ANO1: variants seen among roughly 807,000 people sequenced by gnomAD.
The protein encoded by ANO1 is anoctamin-1.
In ANO1, 59 loss-of-function variants were observed where a neutral mutation model predicts 124.0. That is an observed-to-expected ratio of 0.48 (90% CI 0.39 to 0.59). The LOEUF (loss-of-function observed/expected upper bound fraction) is 0.59. Ranked by LOEUF, ANO1 falls within the 20% of genes least tolerant of loss-of-function variation. ANO1 has a pLI of 0.00. For missense variants in ANO1, 1,059 were observed against 1,328.0 expected (o/e 0.80, Z 3.15); for synonymous variants, 529 against 532.0 (o/e 0.99, Z 0.08).
chr11:70,118,395 C>T (rs2046081482), intron 8 of ANO1, among the ~76,000 whole-genome samples: 1 of 152,244 alleles, frequency 6.6e-6, no homozygotes, highest in South Asian at 2.1e-4. Context: ...GTTTACTCTA[C>T]CTGGAATGAT....
At chr11:70,079,891 G>A (rs781380007) in intron 1 of ANO1, among the ~76,000 whole-genome samples, 46 of 152,206 alleles carry the variant, frequency 3.0e-4, no homozygotes, top group Admixed American at 5.9e-4. Flanking sequence ...GGGGTGGCCT[G>A]GGGGCATCTC....
chr11:70,168,889 C>G (rs1435849795), intron 21 of ANO1, among the ~76,000 whole-genome samples: 2 of 152,204 alleles, frequency 1.3e-5, no homozygotes, highest in Non-Finnish European at 2.9e-5. Flanking sequence ...GTGCAAGGAG[C>G]ACCTTGCCAT....
intron 16 of ANO1, among the ~76,000 whole-genome samples, chr11:70,159,609 G>C (rs758918929): frequency 6.6e-6 from 1 of 152,216 alleles, no homozygotes; most frequent in East Asian, 1.9e-4. Flanking sequence ...CTGGGGATGC[G>C]GGGGAGATGG....
At chr11:70,143,249 G>C (rs1477828366) in intron 11 of ANO1, among the ~76,000 whole-genome samples, 1 of 152,184 alleles carries the variant, frequency 6.6e-6, no homozygotes, top group Non-Finnish European at 1.5e-5. Flanking sequence ...GCGGGTTGCA[G>C]CTCGCTCAGG....
rs376154349 is a variant in ANO1 at position 70,171,080 on chromosome 11, G to A, written c.2350+41G>A. On this transcript the variant is annotated intron_variant, in intron 22 of 25. Transcript: ENST00000355303. Reference sequence around the variant, plus strand: ...GGCCGGCAGAACCGGTTCCGAGTGCGTGCTGGGTTTGGGGAGGGGGTTGCT... The same window carrying A: ...GGCCGGCAGAACCGGTTCCGAGTGCATGCTGGGTTTGGGGAGGGGGTTGCT... 3.0e-5 allele frequency: 48 copies of A among 1,594,746 alleles called. No individual in the cohort carries two copies. In the African/African-American group the frequency reaches 4.6e-4, roughly 15 times the overall value.
chr11:70,141,394 C>A (rs1356643134), intron 11 of ANO1, among the ~76,000 whole-genome samples: 1 of 152,084 alleles, frequency 6.6e-6, no homozygotes, highest in Non-Finnish European at 1.5e-5. Flanking sequence ...GCCTGCTGAC[C>A]CCGCGGGAGG....
At chr11:70,117,293 A>G (rs1444091631) in intron 8 of ANO1, among the ~76,000 whole-genome samples, 1 of 149,798 alleles carries the variant, frequency 6.7e-6, no homozygotes, top group African/African-American at 2.5e-5. Flanking sequence ...CTGGTCTTGA[A>G]CTCCTGACCT....
intron 5 of ANO1, among the ~76,000 whole-genome samples, 196 bp downstream of exon 5, chr11:70,105,984 G>A (rs1307774732): frequency 1.3e-5 from 2 of 152,162 alleles, no homozygotes; most frequent in Non-Finnish European, 2.9e-5. Context: ...GGGCAGCTGA[G>A]AGGAAGGGAA....
intron 23 of ANO1, among the ~76,000 whole-genome samples, 172 bp from the exon 24 acceptor site, chr11:70,182,330 C>T (rs949690380): frequency 6.6e-6 from 1 of 152,228 alleles, no homozygotes; most frequent in Non-Finnish European, 1.5e-5. Flanking sequence ...GGAACACCCG[C>T]GACCCTGCAT....
At chr11:70,033,611 G>A (rs555514594) in intron 1 of ANO1, among the ~76,000 whole-genome samples, 4 of 152,188 alleles carry the variant, frequency 2.6e-5, no homozygotes, top group Non-Finnish European at 5.9e-5. Context: ...GTAGGTGGTC[G>A]GCAAAGCTTT....
chr11:70,099,705 G>A (rs2515289), intron 2 of ANO1, among the ~76,000 whole-genome samples: 99,485 of 152,036 alleles, frequency 0.65, 32,874 homozygotes, highest in Admixed American at 0.74. Context: ...GTCTGTGCTT[G>A]CACAGGCAGG....
chr11:70,035,520 C>CGA (rs1857078603), intron 1 of ANO1, among the ~76,000 whole-genome samples: 1 of 147,698 alleles, frequency 6.8e-6, no homozygotes, highest in Non-Finnish European at 1.5e-5. Flanking sequence ...TAAGCTGTTG[C>CGA]TATATATATA....
chr11:69,996,140 G>A (rs4980713), intron 1 of ANO1, among the ~76,000 whole-genome samples: 88,178 of 143,314 alleles, frequency 0.62, 26,035 homozygotes, highest in Admixed American at 0.72. Context: ...AAAAAATGAA[G>A]TACTGGAGAT....
intron 11 of ANO1, among the ~76,000 whole-genome samples, chr11:70,135,611 C>T (rs991583721): frequency 2.6e-5 from 4 of 152,310 alleles, no homozygotes; most frequent in South Asian, 2.1e-4. Context: ...ACTCTCCAAA[C>T]GTCCAGTAAT....
At chr11:70,033,056 G>A (rs565622966) in intron 1 of ANO1, among the ~76,000 whole-genome samples, 10 of 152,134 alleles carry the variant, frequency 6.6e-5, no homozygotes, top group African/African-American at 9.7e-5. Context: ...TCCCTTTAAC[G>A]ACATCTTGTG....
Position 70,160,736 on chromosome 11 carries a change from G to A in ANO1, c.1579-425G>A, listed in dbSNP as rs114972442. ...TGGGTTGGGGGAGAAGCCCCATCCC[G>A]CAGTCAGTCTGCTCTGGGACAAGCC... On this transcript the variant is annotated intron_variant, in intron 16 of 25. Transcript: ENST00000355303. 1.3e-3 allele frequency among the ~76,000 whole-genome samples: 201 copies of A among 152,324 alleles called. 1 individual carries two copies. The highest frequency in any genetic ancestry group is 4.0e-3 in the African/African-American group (168 of 41,578).
chr11:70,050,845 A>G (rs570395985), intron 1 of ANO1, among the ~76,000 whole-genome samples: 1 of 152,140 alleles, frequency 6.6e-6, no homozygotes, highest in Non-Finnish European at 1.5e-5. Flanking sequence ...TCATCTGTCA[A>G]ATGGGGATAC....
chr11:70,168,948 C>CT (rs1491031641), intron 21 of ANO1, among the ~76,000 whole-genome samples: 1 of 151,348 alleles, frequency 6.6e-6, no homozygotes, highest in East Asian at 1.9e-4. Context: ...TGGCTCCTCT[C>CT]TGTTTTCTCC....
chr11:70,007,570 G>A (rs1413870085), intron 1 of ANO1, among the ~76,000 whole-genome samples: 2 of 152,110 alleles, frequency 1.3e-5, no homozygotes, highest in Non-Finnish European at 2.9e-5. Flanking sequence ...GTGAGCCACC[G>A]CGCCCGGCCA....
Sources: gnomAD v4.1 joint callset for allele counts (sites outside exome capture counted in the v4.1 genomes callset) on GRCh38, gnomAD v4.1.1 for gene constraint, MANE v1.5 for transcripts, NCBI Gene and HGNC (gene_info 2026-07-23, HGNC 2026-07-21) for gene names.